The following RAD51B variants were observed in gnomAD, a reference collection of about 807,000 sequenced individuals.
RAD51B encodes the protein RAD51 paralog B.
A neutral mutation model predicts 42.2 loss-of-function variants in RAD51B; 38 were observed. The observed-to-expected ratio is 0.90, with a 90% confidence interval of 0.70 to 1.18. The LOEUF is 1.18. RAD51B is among the 50% of genes most tolerant of loss of function. The pLI is 0.00. For synonymous variants in RAD51B, 154 were observed against 145.2 expected (o/e 1.06, Z -0.43); for missense variants, 373 against 400.7 (o/e 0.93, Z 0.59).
At chr14:68,543,012 T>C (rs1194077102) in intron 10 of RAD51B, among the ~76,000 whole-genome samples, 21 of 152,230 alleles carry the variant, frequency 1.4e-4, no homozygotes, top group Admixed American at 1.4e-3. Context: ...CTAACCCAAG[T>C]TAAATCTTCG....
chr14:67,944,893 C>A (rs2045337329), intron 7 of RAD51B, among the ~76,000 whole-genome samples: 1 of 152,158 alleles, frequency 6.6e-6, no homozygotes, highest in African/African-American at 2.4e-5. Flanking sequence ...TTTTTGAAAT[C>A]TGCTGGATTG....
At chr14:68,563,295 T>C in intron 10 of RAD51B, 1 of 985,414 alleles carries the variant, frequency 1.0e-6, no homozygotes, top group Non-Finnish European at 1.2e-6. Flanking sequence ...GAGCCTGCAA[T>C]GGGCTTGTTC....
chr14:67,886,000 TAG>T lies in RAD51B; in HGVS notation c.572+14_572+15del. 6.4e-7 allele frequency: 1 copy of T among 1,551,336 alleles called. No individual in the cohort carries two copies. Among genetic ancestry groups the T allele is most frequent in the Admixed American group, 1.8e-5 (1 of 54,486 alleles). ...GAAGTTCTACAAAGGTATGCTGCTT[TAG>T]ATTTTGATTTTTTAGTAATGCGTTG... On this transcript the variant is annotated intron_variant, in intron 6 of 10. Coordinates refer to ENST00000471583, the MANE Select transcript of RAD51B (RefSeq NM_133510.4).
intron 8 of RAD51B, among the ~76,000 whole-genome samples, chr14:68,310,388 C>A (rs1193466091): frequency 2.0e-5 from 3 of 152,172 alleles, no homozygotes; most frequent in African/African-American, 4.8e-5. Flanking sequence ...TCACTTTTTC[C>A]TTCTCTGTGC....
At chr14:67,850,730 G>A (rs191065038) in intron 4 of RAD51B, among the ~76,000 whole-genome samples, 1 of 152,258 alleles carries the variant, frequency 6.6e-6, no homozygotes, top group African/African-American at 2.4e-5. Context: ...ATGTAGAAGT[G>A]TAGTCCCCAA....
intron 7 of RAD51B, among the ~76,000 whole-genome samples, chr14:68,285,174 C>T (rs1232456888): frequency 2.6e-5 from 4 of 152,168 alleles, no homozygotes; most frequent in South Asian, 4.1e-4. Flanking sequence ...TGGACCTGAA[C>T]AATTTCTCAC....
intron 8 of RAD51B, among the ~76,000 whole-genome samples, chr14:68,370,220 T>G (rs1400630888): frequency 6.6e-6 from 1 of 152,222 alleles, no homozygotes; most frequent in Non-Finnish European, 1.5e-5. Flanking sequence ...TGTTACAAGA[T>G]CTGTCTGTAA....
chr14:67,910,975 C>T (rs1198000486), intron 7 of RAD51B, among the ~76,000 whole-genome samples: 1 of 151,992 alleles, frequency 6.6e-6, no homozygotes, highest in African/African-American at 2.4e-5. Context: ...CCACACCCGG[C>T]TAATTTTTGT....
rs946377528 is a variant in RAD51B at position 68,355,255 on chromosome 14, A to G, written c.854-56169A>G. ...TTTGAGTTTCATAAAGAAAACATTAATACAAATTTTATTGAGTGGTAGGTT... is the reference window on the plus strand; with the variant it reads ...TTTGAGTTTCATAAAGAAAACATTAGTACAAATTTTATTGAGTGGTAGGTT... On this transcript the variant is annotated intron_variant, in intron 8 of 10. Transcript: ENST00000471583. Among the ~76,000 whole-genome samples, 7 of 152,342 alleles carry G rather than the reference A, an allele frequency of 4.6e-5. No homozygotes were observed. In the East Asian group the frequency reaches 1.3e-3, roughly 29 times the overall value.
At chr14:68,434,513 G>A (rs932202666) in intron 9 of RAD51B, among the ~76,000 whole-genome samples, 1 of 152,196 alleles carries the variant, frequency 6.6e-6, no homozygotes, top group South Asian at 2.1e-4. Flanking sequence ...AGCAATGAGC[G>A]AGGCTCCATG....
At chr14:68,146,749 A>G (rs1204339219) in intron 7 of RAD51B, among the ~76,000 whole-genome samples, 1 of 152,206 alleles carries the variant, frequency 6.6e-6, no homozygotes, top group Non-Finnish European at 1.5e-5. Context: ...TTATGGCTAC[A>G]TAAGTAAAAG....
intron 7 of RAD51B, among the ~76,000 whole-genome samples, chr14:68,219,290 CA>C (rs2079877361): frequency 6.6e-6 from 1 of 152,146 alleles, no homozygotes; most frequent in South Asian, 2.1e-4. Flanking sequence ...TCATCTATTC[CA>C]TAGCATTTCT....
At chr14:68,317,434 G>A (rs2082083751) in intron 8 of RAD51B, among the ~76,000 whole-genome samples, 2 of 152,146 alleles carry the variant, frequency 1.3e-5, no homozygotes, top group South Asian at 4.1e-4. Flanking sequence ...TCAGTATGAT[G>A]TCATAAATTC....
intron 7 of RAD51B, among the ~76,000 whole-genome samples, chr14:67,888,724 GTAT>G (rs1459845149): frequency 6.6e-6 from 1 of 152,024 alleles, no homozygotes; most frequent in Non-Finnish European, 1.5e-5. Flanking sequence ...ATTGTATTGG[GTAT>G]TATAAGTAAT....
intron 10 of RAD51B, chr14:68,497,221 G>A: frequency 7.3e-7 from 1 of 1,373,812 alleles, no homozygotes; most frequent in African/African-American, 1.4e-5. Context: ...TTGGGAAAGA[G>A]TCTTGTGGTG....
intron 10 of RAD51B, among the ~76,000 whole-genome samples, chr14:68,530,991 G>T (rs1391272536): frequency 6.6e-6 from 1 of 151,966 alleles, no homozygotes; most frequent in African/African-American, 2.4e-5. Flanking sequence ...CAGGGAGGAG[G>T]ATAAGATATT....
chr14:67,842,543 T>C (rs1208990072), intron 4 of RAD51B, among the ~76,000 whole-genome samples: 1 of 152,158 alleles, frequency 6.6e-6, no homozygotes, highest in Non-Finnish European at 1.5e-5. Flanking sequence ...CTAATTTTTA[T>C]ATTTTTAGTA....
At chr14:68,338,725 C>T in intron 8 of RAD51B, 1 of 393,094 alleles carries the variant, frequency 2.5e-6, no homozygotes, top group Non-Finnish European at 4.9e-6. Context: ...CAACAGTGTA[C>T]ATTTAACCCA....
chr14:68,585,321 A>G (rs1257716042), intron 10 of RAD51B, among the ~76,000 whole-genome samples: 1 of 152,216 alleles, frequency 6.6e-6, no homozygotes, highest in Non-Finnish European at 1.5e-5. Flanking sequence ...CTGCTTCACC[A>G]TGGCAGGGAG....
Sources: gnomAD v4.1 joint callset for allele counts (sites outside exome capture counted in the v4.1 genomes callset) on GRCh38, gnomAD v4.1.1 for gene constraint, MANE v1.5 for transcripts, NCBI Gene and HGNC (gene_info 2026-07-23, HGNC 2026-07-21) for gene names.